Variants in NSD3 observed in about 807,000 individuals in gnomAD.
The protein encoded by NSD3 is nuclear receptor binding SET domain protein 3.
NSD3 carries 24 observed loss-of-function variants against 160.8 expected under a neutral mutation model. The ratio of observed to expected loss-of-function variants is 0.15; its 90% CI spans 0.11 to 0.21. NSD3 has a LOEUF of 0.21. NSD3 is among the 10% of genes least tolerant of loss of function. The pLI, the probability that NSD3 is intolerant of heterozygous loss-of-function variation, is 1.00. For synonymous variants in NSD3, 520 were observed against 600.0 expected (o/e 0.87, Z 1.95); for missense variants, 1,157 against 1,735.9 (o/e 0.67, Z 5.93).
In NSD3 at chr8:38,321,319, G is replaced by T. The variant is rs1482479511; in HGVS notation, c.1709-147C>A. 3.3e-6 allele frequency: 2 copies of T among 613,704 alleles called. No individual in the cohort carries two copies. The highest frequency in any genetic ancestry group is 1.9e-5 in the African/African-American group (1 of 53,348). The allele number at this position is 613,704 out of a possible 1,614,324, so 38.0% of individuals were successfully genotyped here. ...ATCATTAAAAAATGCTAAACATTCAGGAGCATATAAATTATTTAACAGATC... is the reference window on the plus strand; with the variant it reads ...ATCATTAAAAAATGCTAAACATTCATGAGCATATAAATTATTTAACAGATC... On this transcript the variant is annotated intron_variant, in intron 7 of 23. Coordinates refer to ENST00000317025, the MANE Select transcript of NSD3 (RefSeq NM_023034.2). This position sits in a 1 kb window ranked among gnomAD's most constrained non-coding sequence, Gnocchi z 4.7.
At chr8:38,338,673 T>C in intron 2 of NSD3, 66 bp from the exon 3 acceptor site, 4 of 1,226,650 alleles carry the variant, frequency 3.3e-6, no homozygotes, top group Non-Finnish European at 4.8e-6. Context: ...CAAAAAACAG[T>C]GACATACATA....
chr8:38,278,131 G>T (rs930677074), intron 22 of NSD3, among the ~76,000 whole-genome samples, 175 bp downstream of exon 22: 2 of 151,972 alleles, frequency 1.3e-5, no homozygotes, highest in African/African-American at 4.8e-5. Context: ...GTAGAGATGG[G>T]GTTTCACCGT....
intron 4 of NSD3, among the ~76,000 whole-genome samples, chr8:38,335,001 T>C (rs1435696215): frequency 6.6e-6 from 1 of 150,614 alleles, no homozygotes; most frequent in Non-Finnish European, 1.5e-5. Context: ...TTTTTTTTTT[T>C]TGAGACCAAG....
At chr8:38,358,550 T>TA (rs1810880766) in intron 1 of NSD3, among the ~76,000 whole-genome samples, 1 of 152,120 alleles carries the variant, frequency 6.6e-6, no homozygotes, top group African/African-American at 2.4e-5. Flanking sequence ...AAACATTATT[T>TA]AAAAAAATTT....
intron 7 of NSD3, among the ~76,000 whole-genome samples, chr8:38,325,042 G>C (rs1185437389): frequency 6.6e-6 from 1 of 152,184 alleles, no homozygotes; most frequent in African/African-American, 2.4e-5. Flanking sequence ...TAAAGAAAGG[G>C]CTTGTCTGAG....
intron 23 of NSD3, 49 bp downstream of exon 23, chr8:38,276,246 TA>T (rs1386450645): frequency 7.0e-6 from 11 of 1,578,314 alleles, no homozygotes; most frequent in Non-Finnish European, 8.7e-6. Flanking sequence ...GAGTTACACA[TA>T]GTTGGCAAAG....
At chr8:38,346,848 A>G (rs1810549796) in intron 2 of NSD3, among the ~76,000 whole-genome samples, 2 of 152,188 alleles carry the variant, frequency 1.3e-5, no homozygotes, top group African/African-American at 4.8e-5. Context: ...GTCAAAGTTT[A>G]GAAAACATTT....
At chr8:38,293,531 A>T (rs2130997495) in intron 16 of NSD3, among the ~76,000 whole-genome samples, 1 of 152,198 alleles carries the variant, frequency 6.6e-6, no homozygotes. Flanking sequence ...GCCTGGCAAC[A>T]GAGCGAGACC....
intron 16 of NSD3, among the ~76,000 whole-genome samples, chr8:38,295,511 C>T (rs552850626): frequency 3.9e-5 from 6 of 152,042 alleles, no homozygotes; most frequent in East Asian, 1.9e-4. Context: ...CAGTGAGCTG[C>T]GATACCACTG....
intron 2 of NSD3, among the ~76,000 whole-genome samples, chr8:38,345,206 TGAGAGG>T (rs775223513): frequency 2.2e-5 from 3 of 135,714 alleles, no homozygotes; most frequent in African/African-American, 5.6e-5. Flanking sequence ...AAAGAAGGGG[TGAGAGG>T]GAGAGGGAGA....
Position 38,316,296 on chromosome 8 carries a change from A to C in NSD3, c.1856-254T>G, listed in dbSNP as rs1473148261. The C allele has an allele frequency of 1.7e-5, 17 of 978,488 alleles. No homozygotes were observed. The highest frequency in any genetic ancestry group is 2.2e-5 in the Non-Finnish European group (17 of 765,240). The allele number at this position is 978,488 out of a possible 1,614,324, so 60.6% of individuals were successfully genotyped here. ...CTCTCTAAAGCTATTTTCAGTCAAC[A>C]GAGCCCACGTTCCAACCTAAAAATC... On this transcript the variant is annotated intron_variant, in intron 9 of 23. Transcript: ENST00000317025. This position sits in a 1 kb window ranked among gnomAD's most constrained non-coding sequence, Gnocchi z 4.5.
chr8:38,347,566 C>A lies in NSD3; in HGVS notation c.606G>T (p.Lys202Asn). 1 of 1,613,980 alleles carries A rather than the reference C, an allele frequency of 6.2e-7. No homozygotes were observed. The highest frequency in any genetic ancestry group is 1.1e-5 in the South Asian group (1 of 91,060). Residue 202 changes from lysine to asparagine, a missense_variant, in exon 2 of 24, where the codon AAG becomes AAT. Physicochemically the swap from Lys to Asn is moderately conservative, Grantham distance 94. Around this residue, in one of 10 missense-constraint regions of NSD3, gnomAD observed 99 missense variants for 151.8 expected, o/e 0.65. Coordinates refer to ENST00000317025, the MANE Select transcript of NSD3 (RefSeq NM_023034.2). ...GCTCTTCAGATCTTGATGAGTCATG[C>A]TTGTTGCTTTTTTTCCTCTTTTCTT... The part of the protein sequence containing the change: ...SRKEKRKKSN[K>N]HDSSRSEERK...
At chr8:38,297,820 A>C (rs75594550) in intron 15 of NSD3, among the ~76,000 whole-genome samples, 1 of 150,208 alleles carries the variant, frequency 6.7e-6, no homozygotes, top group African/African-American at 2.4e-5. Flanking sequence ...GAGATTATTC[A>C]TTTTTTTTTT....
At chr8:38,333,868 C>T (rs934233288) in intron 4 of NSD3, among the ~76,000 whole-genome samples, 10 of 151,198 alleles carry the variant, frequency 6.6e-5, no homozygotes, top group Admixed American at 3.9e-4. Flanking sequence ...AGCGAGACTC[C>T]GTCTCAAAAA....
At position 38,348,230 on chromosome 8, in the gene NSD3, G is replaced by C; in HGVS notation, c.-44-15C>G. 8.6e-6 allele frequency: 13 copies of C among 1,504,612 alleles called. No homozygotes were observed. Among genetic ancestry groups the C allele is most frequent in the Non-Finnish European group, 1.1e-5 (12 of 1,129,250 alleles). 93.2% of individuals were successfully genotyped at this position (1,504,612 alleles called of 1,614,324 possible). ...TCTCATCGGGCCTAAAATTATAAAA[G>C]AGGGGATTAGAAGGTGTTACTATTC... On this transcript the variant is annotated splice_polypyrimidine_tract_variant and intron_variant, in intron 1 of 23. Coordinates refer to ENST00000317025, the MANE Select transcript of NSD3 (RefSeq NM_023034.2).
At chr8:38,348,244 G>T in intron 1 of NSD3, 29 bp from the exon 2 acceptor site, 8 of 1,482,034 alleles carry the variant, frequency 5.4e-6, no homozygotes, top group Non-Finnish European at 7.2e-6. Flanking sequence ...GGATTAGAAG[G>T]TGTTACTATT....
chr8:38,329,744 T>G lies in NSD3; in HGVS notation c.1215A>C (p.Gln405His). 2 of 1,614,240 alleles carry G rather than the reference T, an allele frequency of 1.2e-6. No homozygotes were observed. Among genetic ancestry groups the G allele is most frequent in the South Asian group, 1.1e-5 (1 of 91,088 alleles). Reference protein sequence around the residue: ...IDKQPEEALSQAKKSVASKTE... With the variant: ...IDKQPEEALSHAKKSVASKTE... ...TTTTGGAGGCAACACTCTTTTTTGC[T>G]TGGGATAAAGCCTCTTCAGGCTGTT... Residue 405 changes from glutamine to histidine, a missense_variant, in exon 6 of 24, where the codon CAA becomes CAC. Physicochemically the swap from Gln to His is conservative, Grantham distance 24. Transcript: ENST00000317025. The surrounding 1 kb of genome is among the most constrained non-coding windows in gnomAD (Gnocchi z 4.8).
intron 4 of NSD3, among the ~76,000 whole-genome samples, chr8:38,333,791 C>T (rs1365429161): frequency 3.9e-5 from 6 of 151,962 alleles, no homozygotes; most frequent in African/African-American, 9.7e-5. Flanking sequence ...GGCGTGAACC[C>T]GGGAAGCGGA....
At chr8:38,366,981 T>A (rs1045504567) in intron 1 of NSD3, among the ~76,000 whole-genome samples, 7 of 152,100 alleles carry the variant, frequency 4.6e-5, no homozygotes, top group African/African-American at 1.7e-4. Context: ...AACAAAAACA[T>A]CCTTTAAAAG....
Sources: gnomAD v4.1 joint callset for allele counts (sites outside exome capture counted in the v4.1 genomes callset) on GRCh38, gnomAD v4.1.1 for gene constraint, gnomAD v4.1.1 regional missense constraint, Gnocchi (gnomAD v3.1) non-coding constraint, MANE v1.5 for transcripts, NCBI Gene and HGNC (gene_info 2026-07-23, HGNC 2026-07-21) for gene names.